Variants in MACROD2 observed in about 807,000 individuals in gnomAD.
The protein encoded by MACROD2 is mono-ADP ribosylhydrolase 2.
In MACROD2, 36 loss-of-function variants were observed where a neutral mutation model predicts 70.4. That is an observed-to-expected ratio of 0.51 (90% confidence interval 0.39 to 0.68). The LOEUF is 0.68. MACROD2 is among the 30% of genes least tolerant of loss of function. The pLI, the probability that MACROD2 is intolerant of heterozygous loss-of-function variation, is 0.00. For missense variants in MACROD2, 496 were observed against 538.4 expected (o/e 0.92, Z 0.78); for synonymous variants, 172 against 178.8 (o/e 0.96, Z 0.30).
chr20:15,510,019 A>T (rs551110373), intron 8 of MACROD2, among the ~76,000 whole-genome samples: 2 of 152,038 alleles, frequency 1.3e-5, no homozygotes, highest in Non-Finnish European at 2.9e-5. Flanking sequence ...ATGATTACCA[A>T]CCCCCATATG....
chr20:14,935,121 T>C (rs977172871), intron 5 of MACROD2: 2 of 139,600 alleles, frequency 1.4e-5, no homozygotes, highest in African/African-American at 2.9e-5. Flanking sequence ...ACAAATCCTA[T>C]ATTTCACACA....
At chr20:15,226,883 G>C (rs1298795454) in intron 5 of MACROD2, among the ~76,000 whole-genome samples, 1 of 151,968 alleles carries the variant, frequency 6.6e-6, no homozygotes, top group Non-Finnish European at 1.5e-5. Flanking sequence ...GATGACTAAG[G>C]GGCTGGAGCT....
At chr20:15,045,429 C>A (rs6135332) in intron 5 of MACROD2, among the ~76,000 whole-genome samples, 26,087 of 152,076 alleles carry the variant, frequency 0.17, 2,890 homozygotes, top group East Asian at 0.34. Context: ...GATTTGGCAG[C>A]ACATTTGAGG....
intron 3 of MACROD2, among the ~76,000 whole-genome samples, chr20:14,443,983 G>A (rs1417874270): frequency 6.6e-6 from 1 of 152,014 alleles, no homozygotes; most frequent in Non-Finnish European, 1.5e-5. Flanking sequence ...TAACAAAGCA[G>A]CTTACATTTT....
chr20:15,491,280 T>C (rs1176630066), intron 7 of MACROD2, among the ~76,000 whole-genome samples: 1 of 152,146 alleles, frequency 6.6e-6, no homozygotes, highest in Non-Finnish European at 1.5e-5. Flanking sequence ...CCCCAATTAA[T>C]TAGCTATTTT....
intron 5 of MACROD2, among the ~76,000 whole-genome samples, chr20:15,207,436 G>GGT (rs1555792628): frequency 1.2e-5 from 1 of 84,588 alleles, no homozygotes; most frequent in South Asian, 4.3e-4. Context: ...TTTGTTTCTG[G>GGT]TTTTTTTTTT....
chr20:15,912,014 A>T (rs1027724030), intron 10 of MACROD2, among the ~76,000 whole-genome samples: 3 of 152,238 alleles, frequency 2.0e-5, no homozygotes, highest in East Asian at 3.8e-4. Flanking sequence ...CTCAAAAAAC[A>T]AAAAACAAAA....
At chr20:14,734,342 C>T (rs987611510) in intron 5 of MACROD2, among the ~76,000 whole-genome samples, 4 of 151,288 alleles carry the variant, frequency 2.6e-5, no homozygotes, top group African/African-American at 7.3e-5. Context: ...ACTAAAAATA[C>T]GAAAAAAAAT....
chr20:14,818,576 A>G (rs1330753386), intron 5 of MACROD2, among the ~76,000 whole-genome samples: 4 of 152,056 alleles, frequency 2.6e-5, no homozygotes, highest in African/African-American at 9.7e-5. Flanking sequence ...CACCTATGAA[A>G]GAAAATAGGG....
chr20:14,893,270 T>C (rs897248804), intron 5 of MACROD2: 2 of 152,186 alleles, frequency 1.3e-5, no homozygotes, highest in African/African-American at 4.8e-5. Flanking sequence ...GATGTGCAGA[T>C]ATCTCTTGGA....
At chr20:14,911,114 T>C (rs2074021627) in intron 5 of MACROD2, among the ~76,000 whole-genome samples, 1 of 152,154 alleles carries the variant, frequency 6.6e-6, no homozygotes, top group African/African-American at 2.4e-5. Flanking sequence ...GCTTCACACA[T>C]TGAGGTCTTC....
intron 5 of MACROD2, among the ~76,000 whole-genome samples, chr20:14,756,074 C>T (rs6131606): frequency 0.048 from 7,336 of 152,064 alleles, 324 homozygotes; most frequent in East Asian, 0.18. Flanking sequence ...ATTTATTTTA[C>T]AAGAAAATAA....
intron 11 of MACROD2, among the ~76,000 whole-genome samples, chr20:15,936,675 A>ATG (rs1449993614): frequency 6.7e-6 from 1 of 149,776 alleles, no homozygotes; most frequent in African/African-American, 2.5e-5. Flanking sequence ...ATGTGTGTAT[A>ATG]TATATATATA....
At chr20:14,256,424 G>C (rs1337234081) in intron 3 of MACROD2, among the ~76,000 whole-genome samples, 1 of 151,972 alleles carries the variant, frequency 6.6e-6, no homozygotes, top group African/African-American at 2.4e-5. Context: ...TTATTTTCAT[G>C]AATACATGAT....
At chr20:15,442,046 CCTTG>C (rs1415427087) in intron 7 of MACROD2, among the ~76,000 whole-genome samples, 2 of 152,072 alleles carry the variant, frequency 1.3e-5, no homozygotes, top group African/African-American at 4.8e-5. Flanking sequence ...ATTTCTACGT[CCTTG>C]CTTGTTTTTC....
At chr20:14,219,141 A>G (rs1322522944) in intron 3 of MACROD2, among the ~76,000 whole-genome samples, 2 of 152,338 alleles carry the variant, frequency 1.3e-5, no homozygotes, top group South Asian at 2.1e-4. Flanking sequence ...CCGAGCTTTT[A>G]GAATTCTCCT....
At chr20:14,629,969 A>G (rs1481098061) in intron 4 of MACROD2, among the ~76,000 whole-genome samples, 2 of 151,446 alleles carry the variant, frequency 1.3e-5, no homozygotes, top group Admixed American at 6.6e-5. Context: ...CTATCTATCT[A>G]TCTATCTATC....
chr20:15,090,525 T>C (rs1046330449), intron 5 of MACROD2, among the ~76,000 whole-genome samples: 1 of 152,112 alleles, frequency 6.6e-6, no homozygotes, highest in African/African-American at 2.4e-5. Context: ...GCCACATAAA[T>C]GTGGCACAAA....
In MACROD2 at chr20:14,430,730, C is replaced by T. The variant is rs1249660943; in HGVS notation, c.272-62749C>T. Reference sequence around the variant, plus strand: ...CAGATAAGAGATATTTCCCAGCTTCCCTTGCAGCAGGTTGTAACCATGTGA... The same window carrying T: ...CAGATAAGAGATATTTCCCAGCTTCTCTTGCAGCAGGTTGTAACCATGTGA... On this transcript the variant is annotated intron_variant, in intron 3 of 17. Transcript: ENST00000684519. Among the ~76,000 whole-genome samples the T allele has an allele frequency of 3.3e-5, 5 of 152,196 alleles. No homozygotes were observed. The East Asian group carries it at 7.7e-4, about 24-fold the overall frequency.
Sources: gnomAD v4.1 joint callset for allele counts (sites outside exome capture counted in the v4.1 genomes callset) on GRCh38, gnomAD v4.1.1 for gene constraint, MANE v1.5 for transcripts, NCBI Gene and HGNC (gene_info 2026-07-23, HGNC 2026-07-21) for gene names.